Variants in CNTNAP2 observed in about 807,000 individuals in gnomAD.
The protein encoded by CNTNAP2 is contactin associated protein 2, also known as contactin-associated protein-like 2.
Under a neutral mutation model 155.2 loss-of-function variants are expected in CNTNAP2, and 98 were observed. That is an observed-to-expected ratio of 0.63 (90% CI 0.54 to 0.75). The LOEUF is 0.75. Among genes scored for constraint, CNTNAP2 ranks in the 30% least tolerant of loss-of-function variants. CNTNAP2 has a pLI of 0.00. For synonymous variants in CNTNAP2, 651 were observed against 631.2 expected (o/e 1.03, Z -0.47); for missense variants, 1,727 against 1,688.1 (o/e 1.02, Z -0.40).
At chr7:146,536,764 G>T (rs188670218) in intron 1 of CNTNAP2, among the ~76,000 whole-genome samples, 5 of 152,184 alleles carry the variant, frequency 3.3e-5, no homozygotes, top group Non-Finnish European at 7.4e-5. Context: ...AGGACACACA[G>T]GGTCACATTC....
intron 21 of CNTNAP2, among the ~76,000 whole-genome samples, chr7:148,283,271 G>GAAAGAA (rs1797011776): frequency 1.4e-5 from 1 of 70,312 alleles, no homozygotes; most frequent in African/African-American, 7.0e-5. Context: ...AAGAAAGAAA[G>GAAAGAA]AAAGAAAGAA....
At chr7:146,172,822 A>G (rs1441945555) in intron 1 of CNTNAP2, among the ~76,000 whole-genome samples, 1 of 152,164 alleles carries the variant, frequency 6.6e-6, no homozygotes, top group Non-Finnish European at 1.5e-5. Context: ...TGGAATACAG[A>G]CATGCAAGAT....
At chr7:146,757,626 A>G (rs1252531417) in intron 1 of CNTNAP2, among the ~76,000 whole-genome samples, 1 of 152,190 alleles carries the variant, frequency 6.6e-6, no homozygotes, top group Non-Finnish European at 1.5e-5. Context: ...TCACTTGATC[A>G]AGAGAGTTGA....
At chr7:147,923,682 T>TA (rs60790085) in intron 14 of CNTNAP2, among the ~76,000 whole-genome samples, 42 of 144,754 alleles carry the variant, frequency 2.9e-4, no homozygotes, top group Admixed American at 6.2e-4. Context: ...CCCAGCTAAT[T>TA]AAAAAAAAAA....
intron 3 of CNTNAP2, among the ~76,000 whole-genome samples, chr7:147,032,075 C>T (rs1034872430): frequency 6.6e-6 from 1 of 152,122 alleles, no homozygotes; most frequent in African/African-American, 2.4e-5. Context: ...GTGAGGGTCA[C>T]GTGAGTGATC....
intron 1 of CNTNAP2, among the ~76,000 whole-genome samples, chr7:146,490,649 G>T (rs971476785): frequency 1.3e-5 from 2 of 152,158 alleles, no homozygotes; most frequent in Non-Finnish European, 2.9e-5. Context: ...AGATAAAGGT[G>T]TATCTGCACT....
chr7:146,734,081 G>A (rs147970777), intron 1 of CNTNAP2, among the ~76,000 whole-genome samples: 1 of 152,130 alleles, frequency 6.6e-6, no homozygotes, highest in Admixed American at 6.5e-5. Flanking sequence ...GATGCTGGTA[G>A]CTTGTACCTA....
At chr7:148,262,368 G>A (rs941855211) in intron 20 of CNTNAP2, among the ~76,000 whole-genome samples, 15 of 152,164 alleles carry the variant, frequency 9.9e-5, no homozygotes, top group African/African-American at 2.9e-4. Context: ...CAGTGTTGCT[G>A]TAACAAATTG....
At chr7:146,296,444 A>G (rs1800516053) in intron 1 of CNTNAP2, among the ~76,000 whole-genome samples, 1 of 152,108 alleles carries the variant, frequency 6.6e-6, no homozygotes, top group East Asian at 1.9e-4. Context: ...GTCTCCATGT[A>G]TTGACTTGTT....
rs10544219 is a variant in CNTNAP2 at position 147,486,889 on chromosome 7, C to CTGTGTGTGTGTGTGTGTGTGTGTG, written c.1777+852_1777+875dup. Among the ~76,000 whole-genome samples, 123 of 146,942 alleles carry CTGTGTGTGTGTGTGTGTGTGTGTG rather than the reference C, an allele frequency of 8.4e-4. 1 individual carries two copies. The highest frequency in any genetic ancestry group is 3.4e-3 in the South Asian group (15 of 4,474). The stretch of plus-strand genomic sequence containing the variant: ...GGTTAGTGTGTGCATACGTATGTGC[C>CTGTGTGTGTGTGTGTGTGTGTGTG]TGTGTGTGTGTGTGTGTGTGTGTGT... On this transcript the variant is annotated intron_variant, in intron 11 of 23. Transcript: ENST00000361727.
chr7:146,637,526 A>G (rs1799619494), intron 1 of CNTNAP2, among the ~76,000 whole-genome samples: 1 of 152,152 alleles, frequency 6.6e-6, no homozygotes, highest in African/African-American at 2.4e-5. Flanking sequence ...GTGCTTTTCT[A>G]CGTTTCACCA....
chr7:146,631,384 G>C (rs1242199389), intron 1 of CNTNAP2, among the ~76,000 whole-genome samples: 1 of 152,062 alleles, frequency 6.6e-6, no homozygotes, highest in African/African-American at 2.4e-5. Context: ...AGATGTTTGG[G>C]ACCCATTTCA....
At chr7:146,975,885 A>G (rs1797900530) in intron 3 of CNTNAP2, among the ~76,000 whole-genome samples, 2 of 152,222 alleles carry the variant, frequency 1.3e-5, no homozygotes, top group South Asian at 4.1e-4. Flanking sequence ...CGCTATTTTT[A>G]TCAGCAAATC....
intron 1 of CNTNAP2, among the ~76,000 whole-genome samples, chr7:146,696,409 T>C (rs576617358): frequency 6.6e-6 from 1 of 152,276 alleles, no homozygotes; most frequent in African/African-American, 2.4e-5. Flanking sequence ...TTGTATGTTT[T>C]CTCTGTTTTC....
At chr7:146,199,814 A>G (rs2116864981) in intron 1 of CNTNAP2, among the ~76,000 whole-genome samples, 1 of 152,324 alleles carries the variant, frequency 6.6e-6, no homozygotes, top group Admixed American at 6.5e-5. Context: ...AATAAAAATT[A>G]CACACAACTT....
At chr7:147,829,265 GAATCACTCTGGCAA>G (rs1798510884) in intron 13 of CNTNAP2, among the ~76,000 whole-genome samples, 1 of 152,146 alleles carries the variant, frequency 6.6e-6, no homozygotes, top group Non-Finnish European at 1.5e-5. Context: ...AGGATATGCA[GAATCACTCTGGCAA>G]AATCAATCAT....
At chr7:147,388,214 C>T (rs529699964) in intron 9 of CNTNAP2, among the ~76,000 whole-genome samples, 13 of 152,160 alleles carry the variant, frequency 8.5e-5, no homozygotes, top group Non-Finnish European at 1.3e-4. Flanking sequence ...CCATTTCAGG[C>T]TGGCTCCTGT....
chr7:146,904,652 T>C (rs1044046060), intron 3 of CNTNAP2, among the ~76,000 whole-genome samples: 1 of 152,120 alleles, frequency 6.6e-6, no homozygotes, highest in Non-Finnish European at 1.5e-5. Flanking sequence ...TTTGTATTTT[T>C]AGTAGAGACG....
chr7:147,325,548 C>T (rs1386999423), intron 9 of CNTNAP2, among the ~76,000 whole-genome samples: 1 of 152,016 alleles, frequency 6.6e-6, no homozygotes, highest in Non-Finnish European at 1.5e-5. Flanking sequence ...TTACAAAGAA[C>T]TGAAAATGAA....
Sources: gnomAD v4.1 joint callset for allele counts (sites outside exome capture counted in the v4.1 genomes callset) on GRCh38, gnomAD v4.1.1 for gene constraint, MANE v1.5 for transcripts, NCBI Gene and HGNC (gene_info 2026-07-23, HGNC 2026-07-21) for gene names.